Variants in TRAPPC10 observed in about 807,000 individuals in gnomAD.
The protein encoded by TRAPPC10 is trafficking protein particle complex subunit 10.
Under a neutral mutation model 125.5 loss-of-function variants are expected in TRAPPC10, and 23 were observed. The observed-to-expected ratio is 0.18, with a 90% CI of 0.13 to 0.26. The LOEUF (loss-of-function observed/expected upper bound fraction) is 0.26, where lower values mean the gene tolerates loss of function less well. TRAPPC10 is among the 10% of genes least tolerant of loss of function. TRAPPC10 has a pLI of 1.00. For missense variants in TRAPPC10, 1,123 were observed against 1,308.4 expected (o/e 0.86, Z 2.19); for synonymous variants, 509 against 518.0 (o/e 0.98, Z 0.24).
At chr21:44,058,466 C>T (rs1453687783) in intron 5 of TRAPPC10, among the ~76,000 whole-genome samples, 1 of 152,150 alleles carries the variant, frequency 6.6e-6, no homozygotes, top group African/African-American at 2.4e-5. Flanking sequence ...TTAGGAGTCT[C>T]TTGAATGTGA....
intron 3 of TRAPPC10, among the ~76,000 whole-genome samples, chr21:44,040,271 C>T (rs1356999680): frequency 6.6e-6 from 1 of 152,138 alleles, no homozygotes; most frequent in East Asian, 1.9e-4. Flanking sequence ...AGAGCAAGGG[C>T]TGCCTTTCCT....
intron 18 of TRAPPC10, among the ~76,000 whole-genome samples, chr21:44,090,860 G>T (rs1337880416): frequency 1.3e-5 from 2 of 152,192 alleles, no homozygotes; most frequent in Non-Finnish European, 2.9e-5. Context: ...GATATTAATA[G>T]TTAAAAACAT....
rs548632089 is a variant in TRAPPC10 at position 44,083,876 on chromosome 21, A to C, written c.2239-246A>C. Reference sequence around the variant, plus strand: ...ACAATGCCACAAATACAGTTTAGATAAGTTGAAAATACCTTATTAAAGTTA... The same window carrying C: ...ACAATGCCACAAATACAGTTTAGATCAGTTGAAAATACCTTATTAAAGTTA... On this transcript the variant is annotated intron_variant, in intron 14 of 22. Transcript: ENST00000291574. Among the ~76,000 whole-genome samples, 50 of 152,354 alleles carry C rather than the reference A, an allele frequency of 3.3e-4. No homozygotes were observed. In the East Asian group the frequency reaches 9.4e-3, roughly 29 times the overall value.
At chr21:44,032,421 C>T (rs1401155942) in intron 2 of TRAPPC10, among the ~76,000 whole-genome samples, 9 of 125,476 alleles carry the variant, frequency 7.2e-5, no homozygotes, top group African/African-American at 2.9e-4. Context: ...CTCGTTCTGT[C>T]GCCCAGGCTG....
intron 2 of TRAPPC10, among the ~76,000 whole-genome samples, chr21:44,032,867 C>T (rs1348819467): frequency 2.0e-5 from 3 of 152,222 alleles, no homozygotes; most frequent in Non-Finnish European, 4.4e-5. Flanking sequence ...AAGAACTGGG[C>T]TGTATCAGCC....
At chr21:44,086,458 A>AT (rs1447502951) in intron 15 of TRAPPC10, among the ~76,000 whole-genome samples, 1 of 152,192 alleles carries the variant, frequency 6.6e-6, no homozygotes, top group Non-Finnish European at 1.5e-5. Flanking sequence ...CTTAAGCCTC[A>AT]TTATGTGATT....
intron 14 of TRAPPC10, among the ~76,000 whole-genome samples, chr21:44,083,848 T>C (rs2037933925): frequency 6.6e-6 from 1 of 152,230 alleles, no homozygotes; most frequent in Admixed American, 6.5e-5. Context: ...GCTGAATGTC[T>C]CTACAATGCC....
In TRAPPC10 at chr21:44,087,682, T is replaced by C; in HGVS notation, c.2540-17T>C. 3 of 1,609,964 alleles carry C rather than the reference T, an allele frequency of 1.9e-6. No homozygotes were observed. Among genetic ancestry groups the C allele is most frequent in the Non-Finnish European group, 2.5e-6 (3 of 1,178,814 alleles). On this transcript the variant is annotated splice_polypyrimidine_tract_variant and intron_variant, in intron 16 of 22. Coordinates refer to ENST00000291574, the MANE Select transcript of TRAPPC10 (RefSeq NM_003274.5). The surrounding 1 kb of genome is among the most constrained non-coding windows in gnomAD (Gnocchi z 4.6). ...CCGAGGGAACAGCTTTGAAGTGACT[T>C]TTTCTGTCCTTCGTAGAACAGTCTT... is the stretch of plus-strand genomic sequence containing the variant.
Position 44,083,230 on chromosome 21 carries a change from G to T in TRAPPC10, c.2166G>T (p.Glu722Asp), listed in dbSNP as rs774992912. Residue 722 changes from glutamate (E) to aspartate (D), a missense_variant, in exon 14 of 23, where the codon GAG becomes GAT. Transcript: ENST00000291574. The stretch of plus-strand genomic sequence containing the variant: ...TGCCCTCAGGGGTGGCTCTGGAGGA[G>T]GGTGCCCACGTGCTGAGGTGCAGCC... ...LEMPSGVALE[E>D]GAHVLRCSHV... 9 of 1,614,004 alleles carry T rather than the reference G, an allele frequency of 5.6e-6. No individual in the cohort carries two copies. The highest frequency in any genetic ancestry group is 3.3e-4 in the Middle Eastern group (2 of 6,082).
At chr21:44,093,677 G>T (rs1229839499) in intron 19 of TRAPPC10, among the ~76,000 whole-genome samples, 1 of 151,348 alleles carries the variant, frequency 6.6e-6, no homozygotes, top group Non-Finnish European at 1.5e-5. Context: ...AGAATCACTT[G>T]AACCCAGGAG....
Position 44,059,529 on chromosome 21 carries a change from G to T in TRAPPC10, c.790+315G>T, listed in dbSNP as rs894490015. The T allele has an allele frequency of 1.3e-6, 1 of 745,242 alleles. No homozygotes were observed. Among genetic ancestry groups the T allele is most frequent in the African/African-American group, 1.7e-5 (1 of 58,442 alleles). The allele number at this position is 745,242 out of a possible 1,614,324, so 46.2% of individuals were successfully genotyped here. On this transcript the variant is annotated intron_variant, in intron 6 of 22. Coordinates refer to ENST00000291574, the MANE Select transcript of TRAPPC10 (RefSeq NM_003274.5). This position sits in a 1 kb window ranked among gnomAD's most constrained non-coding sequence, Gnocchi z 4.4. ...GATGCTTCGATTCTGTCCCTCGTTAGAATCAGAGTGGACGTCCCTTTGCCT... is the reference window on the plus strand; with the variant it reads ...GATGCTTCGATTCTGTCCCTCGTTATAATCAGAGTGGACGTCCCTTTGCCT...
At chr21:44,064,223 G>T (rs1298056055) in intron 7 of TRAPPC10, among the ~76,000 whole-genome samples, 1 of 152,182 alleles carries the variant, frequency 6.6e-6, no homozygotes, top group African/African-American at 2.4e-5. Flanking sequence ...TGGCCATGCA[G>T]GTAGCAATGT....
rs115760733 is a variant in TRAPPC10, at chr21:44,066,300, G to C, written c.1038+2515G>C. The stretch of plus-strand genomic sequence containing the variant: ...TAGTAGGGCTTGATCCACACTCCAG[G>C]GGCGACGGGGGCTGAGGAGGGGAGC... On this transcript the variant is annotated intron_variant, in intron 7 of 22. Transcript: ENST00000291574. Among the ~76,000 whole-genome samples the C allele has an allele frequency of 6.6e-3, 1,013 of 152,342 alleles. 9 individuals are homozygous for C. The highest frequency in any genetic ancestry group is 0.023 in the African/African-American group (948 of 41,576).
At chr21:44,065,371 G>A (rs1047992463) in intron 7 of TRAPPC10, among the ~76,000 whole-genome samples, 1 of 152,206 alleles carries the variant, frequency 6.6e-6, no homozygotes, top group Non-Finnish European at 1.5e-5. Flanking sequence ...TATCGTGTGA[G>A]GAGCCTCTTA....
chr21:44,019,389 G>C (rs1424487180), intron 1 of TRAPPC10, among the ~76,000 whole-genome samples: 1 of 152,166 alleles, frequency 6.6e-6, no homozygotes, highest in Non-Finnish European at 1.5e-5. Context: ...TCCCACCTCA[G>C]TGCCTGCCTC....
chr21:44,021,195 G>C (rs1369435210), intron 1 of TRAPPC10, among the ~76,000 whole-genome samples: 1 of 152,152 alleles, frequency 6.6e-6, no homozygotes, highest in Non-Finnish European at 1.5e-5. Flanking sequence ...TGGGGATCCT[G>C]GGTTGTCTAG....
chr21:44,078,146 G>A (rs527678274), intron 11 of TRAPPC10, among the ~76,000 whole-genome samples: 1 of 152,158 alleles, frequency 6.6e-6, no homozygotes, highest in South Asian at 2.1e-4. Flanking sequence ...AGTATTAAGA[G>A]GACTGAAAAA....
At chr21:44,083,932 G>A (rs976102576) in intron 14 of TRAPPC10, among the ~76,000 whole-genome samples, 190 bp from the exon 15 acceptor site, 2 of 152,182 alleles carry the variant, frequency 1.3e-5, no homozygotes, top group South Asian at 2.1e-4. Flanking sequence ...AGAAAATCAC[G>A]AATTGAGAGA....
chr21:44,041,914 T>C (rs1016710816), intron 3 of TRAPPC10, among the ~76,000 whole-genome samples: 7 of 151,120 alleles, frequency 4.6e-5, no homozygotes, highest in African/African-American at 1.7e-4. Flanking sequence ...TTAGTAGGGA[T>C]GGGGTTTCAC....
Sources: allele counts gnomAD v4.1 joint callset (sites outside exome capture counted in the v4.1 genomes callset), GRCh38; gene constraint gnomAD v4.1.1; non-coding constraint Gnocchi (gnomAD v3.1); transcripts MANE v1.5; gene names NCBI Gene and HGNC (gene_info 2026-07-23, HGNC 2026-07-21).